Variants in PCGF3 observed in about 807,000 individuals in gnomAD.
The protein encoded by PCGF3 is polycomb group RING finger protein 3.
Under a neutral mutation model 33.1 loss-of-function variants are expected in PCGF3, and 7 were observed. That is an observed-to-expected ratio of 0.21 (90% CI 0.12 to 0.40). The LOEUF is 0.40. Ranked by LOEUF, PCGF3 falls within the 10% of genes least tolerant of loss-of-function variation. The probability of loss-of-function intolerance (pLI) is 1.00; values close to 1 mark genes in which losing one functional copy is unlikely to be tolerated. For missense variants in PCGF3, 211 were observed against 313.3 expected, an observed-to-expected ratio of 0.67 and a Z score of 2.46; for synonymous variants, 153 against 121.3, an observed-to-expected ratio of 1.26 and a Z score of -1.72.
At chr4:744,744 A>G (rs955916041) in intron 8 of PCGF3, 56 bp downstream of exon 8, 4 of 419,900 alleles carry the variant, frequency 9.5e-6, no homozygotes, top group Non-Finnish European at 1.7e-5. Context: ...AGGCGTGAGC[A>G]GGTGGGCGGG....
intron 9 of PCGF3, chr4:762,248 TA>T: frequency 3.2e-6 from 1 of 316,330 alleles, no homozygotes; most frequent in Non-Finnish European, 4.6e-6. Context: ...GGGTGGAGCC[TA>T]AATCCCATGA....
chr4:712,943 G>A (rs1431549542), intron 1 of PCGF3, among the ~76,000 whole-genome samples: 3 of 152,238 alleles, frequency 2.0e-5, no homozygotes, highest in African/African-American at 4.8e-5. Context: ...AGTGGGTCCC[G>A]TTGGCCTTGT....
At chr4:732,671 G>T (rs980318286) in intron 3 of PCGF3, among the ~76,000 whole-genome samples, 10 of 152,128 alleles carry the variant, frequency 6.6e-5, no homozygotes, top group African/African-American at 2.4e-4. Flanking sequence ...CTCCAGGCTG[G>T]GCCTCTTGGT....
chr4:712,958 C>T (rs1056296839), intron 1 of PCGF3, among the ~76,000 whole-genome samples: 7 of 152,080 alleles, frequency 4.6e-5, no homozygotes, highest in African/African-American at 1.7e-4. Context: ...CCTTGTGGGT[C>T]TTATGGGGGC....
At chr4:707,730 T>C (rs1285479506) in intron 1 of PCGF3, among the ~76,000 whole-genome samples, 7 of 125,608 alleles carry the variant, frequency 5.6e-5, no homozygotes, top group East Asian at 2.8e-4. Flanking sequence ...TGTTTTCACC[T>C]GGGGGCCGGG....
intron 1 of PCGF3, among the ~76,000 whole-genome samples, chr4:709,738 C>T (rs955878949): frequency 2.6e-5 from 4 of 152,220 alleles, no homozygotes; most frequent in Non-Finnish European, 4.4e-5. Context: ...ATCTTTGCCA[C>T]AGCTTCACTT....
chr4:752,104 C>T (rs1744541455), intron 8 of PCGF3, among the ~76,000 whole-genome samples: 2 of 152,260 alleles, frequency 1.3e-5, no homozygotes, highest in African/African-American at 4.8e-5. Flanking sequence ...GATGGGGATC[C>T]TCCTGGAAGA....
At chr4:730,893 C>G (rs1743527208) in intron 2 of PCGF3, 77 bp from the exon 3 acceptor site, 2 of 397,292 alleles carry the variant, frequency 5.0e-6, no homozygotes, top group East Asian at 7.1e-5. Flanking sequence ...GTTGCAAGTT[C>G]CAGTAGGAAT....
chr4:766,111 C>T, exon 11 of PCGF3: 1 of 1,607,802 alleles, frequency 6.2e-7, no homozygotes, highest in Non-Finnish European at 8.5e-7. Context: ...AGACTGGGCC[C>T]TCGCACCCTT....
Position 721,105 on chromosome 4 carries a change from G to A in PCGF3, c.-189-9525G>A, listed in dbSNP as rs528357736. Among the ~76,000 whole-genome samples, 5 of 151,910 alleles carry A rather than the reference G, an allele frequency of 3.3e-5. No individual in the cohort carries two copies. The Middle Eastern group carries it at 0.01, about 312-fold the overall frequency. On this transcript the variant is annotated intron_variant, in intron 1 of 10. Transcript: ENST00000362003. The surrounding 1 kb of genome is among the most constrained non-coding windows in gnomAD (Gnocchi z 4.1). Reference sequence around the variant, plus strand: ...GCACCCATGAGGCTGAGGACCCTGGGGAGGGAACGCTGCTTGTCGGGCGGT... The same window carrying A: ...GCACCCATGAGGCTGAGGACCCTGGAGAGGGAACGCTGCTTGTCGGGCGGT...
At chr4:719,261 T>C (rs2109542621) in intron 1 of PCGF3, among the ~76,000 whole-genome samples, 1 of 152,344 alleles carries the variant, frequency 6.6e-6, no homozygotes, top group East Asian at 1.9e-4. Context: ...CTGTTTTTCA[T>C]TTTCTTAAAA....
At chr4:747,926 A>G (rs1577428163) in intron 8 of PCGF3, among the ~76,000 whole-genome samples, 1 of 151,928 alleles carries the variant, frequency 6.6e-6, no homozygotes, top group Non-Finnish European at 1.5e-5. Context: ...AGGGTAAAGC[A>G]TGGCAGATAT....
chr4:763,440 A>T (rs1745181446), intron 9 of PCGF3, among the ~76,000 whole-genome samples: 1 of 152,190 alleles, frequency 6.6e-6, no homozygotes, highest in Non-Finnish European at 1.5e-5. Context: ...CCACTCAGGC[A>T]GGTGGGGCTG....
chr4:725,575 AAGGCTG>A (rs1560200905), intron 1 of PCGF3, among the ~76,000 whole-genome samples: 3 of 133,020 alleles, frequency 2.3e-5, no homozygotes, highest in Non-Finnish European at 5.2e-5. Context: ...TGGGCTGCCG[AAGGCTG>A]CTGTGGGCTC....
At chr4:767,371 G>A (rs550506929) in exon 11 of PCGF3, 1 of 152,246 alleles carries the variant, frequency 6.6e-6, no homozygotes, top group East Asian at 1.9e-4. Flanking sequence ...AGAAGGAGGA[G>A]CAAGGGCTGT....
rs148085062 is a variant in PCGF3, at chr4:706,347, G to GCAGGA, written c.-190+379_-190+383dup. Among the ~76,000 whole-genome samples the GCAGGA allele has an allele frequency of 5.4e-3, 522 of 95,798 alleles. 41 individuals carry two copies. Among genetic ancestry groups the GCAGGA allele is most frequent in the Non-Finnish European group, 8.1e-3 (302 of 37,116 alleles). The allele number at this position is 95,798 out of a possible 152,430, so 62.8% of individuals were successfully genotyped here. ...AGGGAGGGCTGGGACAGCAGCCCAG[G>GCAGGA]CAGGACGCAGGGAGGGCAAGACCCC... On this transcript the variant is annotated intron_variant, in intron 1 of 10. Transcript: ENST00000362003.
exon 11 of PCGF3, chr4:766,220 A>G (rs1745364894): frequency 1.5e-6 from 1 of 652,100 alleles, no homozygotes. Flanking sequence ...ATGAGAGAGA[A>G]TTCACACTCA....
At chr4:711,745 C>T (rs886487670) in intron 1 of PCGF3, among the ~76,000 whole-genome samples, 3 of 151,836 alleles carry the variant, frequency 2.0e-5, no homozygotes, top group African/African-American at 7.3e-5. Flanking sequence ...GCGTGAGCCA[C>T]CGCACCCGGC....
chr4:729,004 G>T (rs1190013899), intron 1 of PCGF3, among the ~76,000 whole-genome samples: 1 of 149,550 alleles, frequency 6.7e-6, no homozygotes, highest in Non-Finnish European at 1.5e-5. Context: ...TGAGGCTGAG[G>T]CACAAGAATT....
Sources: allele counts gnomAD v4.1 joint callset (sites outside exome capture counted in the v4.1 genomes callset), GRCh38; gene constraint gnomAD v4.1.1; non-coding constraint Gnocchi (gnomAD v3.1); transcripts MANE v1.5; gene names NCBI Gene and HGNC (gene_info 2026-07-23, HGNC 2026-07-21).